The following CERS4 variants were observed in gnomAD, a reference collection of about 807,000 sequenced individuals.
CERS4 encodes ceramide synthase 4, also known as LAG1 homolog, ceramide synthase 4.
CERS4 carries 65 observed loss-of-function variants against 51.8 expected under a neutral mutation model. The observed-to-expected ratio is 1.26, with a 90% CI of 1.03 to 1.54. The LOEUF (loss-of-function observed/expected upper bound fraction) is 1.54, where lower values mean the gene tolerates loss of function less well. CERS4 is among the 40% of genes most tolerant of loss of function. The pLI is 0.00. For missense variants in CERS4, 563 were observed against 500.4 expected, an observed-to-expected ratio of 1.13 and a Z score of -1.19; for synonymous variants, 228 against 208.4, an observed-to-expected ratio of 1.09 and a Z score of -0.81.
intron 2 of CERS4, among the ~76,000 whole-genome samples, chr19:8,221,896 T>TTA (rs1967575888): frequency 7.4e-6 from 1 of 135,228 alleles, no homozygotes; most frequent in African/African-American, 2.8e-5. Flanking sequence ...TTTTTTTTTT[T>TTA]TTTGAGACAG....
chr19:8,223,510 T>C (rs560096931), intron 2 of CERS4, among the ~76,000 whole-genome samples: 3 of 152,146 alleles, frequency 2.0e-5, no homozygotes, highest in Admixed American at 2.0e-4. Context: ...TCCCAGCTAC[T>C]TGTGAGACTG....
At chr19:8,226,319 C>T (rs533320214) in intron 2 of CERS4, among the ~76,000 whole-genome samples, 22 of 152,276 alleles carry the variant, frequency 1.4e-4, no homozygotes, top group Admixed American at 4.6e-4. Flanking sequence ...ATGGTACCAA[C>T]GCTATTGGTC....
At chr19:8,248,181 T>C (rs772044720) in intron 2 of CERS4, among the ~76,000 whole-genome samples, 26 of 152,238 alleles carry the variant, frequency 1.7e-4, no homozygotes, top group Admixed American at 3.3e-4. Context: ...TACTTGTTTA[T>C]TGGCTGCCTT....
chr19:8,212,158 AGCCAGCCT>A (rs1228616446), intron 2 of CERS4, among the ~76,000 whole-genome samples: 1 of 152,154 alleles, frequency 6.6e-6, no homozygotes, highest in African/African-American at 2.4e-5. Context: ...AGAAGGGCAG[AGCCAGCCT>A]GCCAGCCTTG....
intron 2 of CERS4, among the ~76,000 whole-genome samples, chr19:8,216,991 TA>T (rs1452456232): frequency 1.3e-5 from 2 of 152,068 alleles, no homozygotes; most frequent in Non-Finnish European, 2.9e-5. Flanking sequence ...ACCTGGCACT[TA>T]ACACATGTCA....
chr19:8,234,342 G>A (rs900719079), intron 2 of CERS4, among the ~76,000 whole-genome samples: 3 of 151,940 alleles, frequency 2.0e-5, no homozygotes, highest in African/African-American at 7.3e-5. Context: ...CTGTCTCCAA[G>A]GTTGGAGTAC....
intron 2 of CERS4, among the ~76,000 whole-genome samples, chr19:8,249,969 G>A (rs17160332): frequency 0.046 from 6,907 of 151,702 alleles, 210 homozygotes; most frequent in African/African-American, 0.07. Flanking sequence ...CTTCCTGGAC[G>A]TTTGAGGACT....
At chr19:8,234,751 A>G (rs1968165666) in intron 2 of CERS4, among the ~76,000 whole-genome samples, 2 of 150,630 alleles carry the variant, frequency 1.3e-5, no homozygotes, top group Admixed American at 1.3e-4. Context: ...GTGGGGTTTC[A>G]CCTTGTTAGC....
rs1969744394 is a variant in CERS4 at position 8,262,143 on chromosome 19, C to CG, written c.*35dup. The CG allele has an allele frequency of 7.0e-7, 1 of 1,428,822 alleles. No homozygotes were observed. Among genetic ancestry groups the CG allele is most frequent in the African/African-American group, 1.4e-5 (1 of 69,514 alleles). The allele number at this position is 1,428,822 out of a possible 1,614,324, so 88.5% of individuals were successfully genotyped here. A position where few individuals can be genotyped will look rare whatever the true frequency, so the allele number is the denominator to read the frequency against. On this transcript the variant is annotated 3_prime_UTR_variant, in exon 12 of 12. Coordinates refer to ENST00000251363, the MANE Select transcript of CERS4 (RefSeq NM_024552.3). ...GGCTGGCTGTAAGGGGTTGCCCCCC[C>CG]GCCAGTGCCTTGGATATTTCTGGGG...
intron 2 of CERS4, among the ~76,000 whole-genome samples, chr19:8,247,001 A>G (rs1173788387): frequency 2.0e-5 from 3 of 152,116 alleles, no homozygotes; most frequent in Admixed American, 1.3e-4. Flanking sequence ...CCCCATCTCT[A>G]CTAAAAATAT....
chr19:8,251,028 C>T, intron 2 of CERS4, 48 bp from the exon 3 acceptor site: 1 of 1,530,980 alleles, frequency 6.5e-7, no homozygotes, highest in South Asian at 1.3e-5. Context: ...ACTTGCCCCA[C>T]CCATTCTGCT....
At position 8,257,944 on chromosome 19, in the gene CERS4, CTTT is replaced by C; in HGVS notation, c.808_810del (p.Phe270del). 1 of 1,614,020 alleles carries C rather than the reference CTTT, an allele frequency of 6.2e-7. No homozygotes were observed. Among genetic ancestry groups the C allele is most frequent in the Non-Finnish European group, 8.5e-7 (1 of 1,179,992 alleles). ...GCGACGCTCTCTTCCTCATCTTCTC[CTTT>C]GTCTTCTTCTACACCCGACTGGTCC... On this transcript the variant is annotated inframe_deletion, in exon 10 of 12. Transcript: ENST00000251363.
At chr19:8,230,907 A>G (rs575396595) in intron 2 of CERS4, among the ~76,000 whole-genome samples, 1 of 152,124 alleles carries the variant, frequency 6.6e-6, no homozygotes, top group Non-Finnish European at 1.5e-5. Flanking sequence ...TGGTGCAATC[A>G]CAGCTCACTG....
chr19:8,239,386 CA>C (rs1968419646), intron 2 of CERS4: 1 of 127,038 alleles, frequency 7.9e-6, no homozygotes, highest in South Asian at 2.7e-4. Flanking sequence ...GCAACAAGAG[CA>C]AAACTCCGTC....
At chr19:8,220,151 G>C (rs1451050706) in intron 2 of CERS4, among the ~76,000 whole-genome samples, 1 of 150,370 alleles carries the variant, frequency 6.7e-6, no homozygotes, top group Non-Finnish European at 1.5e-5. Context: ...CCCCTCGGCT[G>C]TGTGTCCCCT....
intron 2 of CERS4, among the ~76,000 whole-genome samples, chr19:8,241,731 C>T (rs1233707568): frequency 6.6e-6 from 1 of 152,114 alleles, no homozygotes; most frequent in Non-Finnish European, 1.5e-5. Context: ...GCCTGGTAAA[C>T]GGGTGAGGCA....
chr19:8,222,624 G>T (rs573576890), intron 2 of CERS4, among the ~76,000 whole-genome samples: 1 of 151,858 alleles, frequency 6.6e-6, no homozygotes. Context: ...TCAGCCTCCC[G>T]AGTAGCTGGG....
intron 10 of CERS4, chr19:8,261,349 CCTG>C (rs1969692730): frequency 3.5e-6 from 1 of 287,750 alleles, no homozygotes; most frequent in Non-Finnish European, 6.6e-6. Context: ...TAGGCAGTCG[CCTG>C]CTGATGAAGG....
In CERS4 at chr19:8,261,689, A is replaced by G. The variant is rs1368293212; in HGVS notation, c.850A>G (p.Ile284Val). 1.2e-6 allele frequency: 2 copies of G among 1,613,848 alleles called. No individual in the cohort carries two copies. The highest frequency in any genetic ancestry group is 1.1e-5 in the South Asian group (1 of 91,070). ...YTRLVLFPTQ[I>V]LYTTYYESIS... ...CTCCTCCTCTCCCCCTGGCTGTAGG[A>G]TCCTCTACACCACATACTACGAGTC... Residue 284 changes from isoleucine (I) to valine (V), a missense_variant and splice_region_variant, in exon 11 of 12, where the codon ATC becomes GTC. Physicochemically the swap from Ile to Val is conservative, Grantham distance 29. Coordinates refer to ENST00000251363, the MANE Select transcript of CERS4 (RefSeq NM_024552.3).
Sources: allele counts gnomAD v4.1 joint callset (sites outside exome capture counted in the v4.1 genomes callset), GRCh38; gene constraint gnomAD v4.1.1; transcripts MANE v1.5; gene names NCBI Gene and HGNC (gene_info 2026-07-23, HGNC 2026-07-21).